Variants in PPP4R4 observed in about 807,000 individuals in gnomAD.
PPP4R4 encodes the protein protein phosphatase 4 regulatory subunit 4, also known as serine/threonine-protein phosphatase 4 regulatory subunit 4.
A neutral mutation model predicts 121.8 loss-of-function variants in PPP4R4; 70 were observed. That is an observed-to-expected ratio of 0.57 (90% CI 0.47 to 0.70). The LOEUF is 0.70. Among genes scored for constraint, PPP4R4 ranks in the 30% least tolerant of loss-of-function variants. The pLI, the probability that PPP4R4 is intolerant of heterozygous loss-of-function variation, is 0.00. For missense variants in PPP4R4, 875 were observed against 1,033.6 expected (o/e 0.85, Z 2.10); for synonymous variants, 348 against 355.7 (o/e 0.98, Z 0.24).
intron 3 of PPP4R4, among the ~76,000 whole-genome samples, chr14:94,228,375 A>G (rs1891835041): frequency 6.6e-6 from 1 of 152,160 alleles, no homozygotes; most frequent in Non-Finnish European, 1.5e-5. Context: ...GCTGGCCTTT[A>G]TCAAAGTGCT....
rs911902658 is a variant in PPP4R4 at position 94,278,743 on chromosome 14, T to TG, written c.*103dup. Reference sequence around the variant, plus strand: ...TGGCTGGGGCTTTGTTTTTAAATTTTGGGTTTTTTTTTTTGTTGTTGTTAA... The same window carrying TG: ...TGGCTGGGGCTTTGTTTTTAAATTTTGGGGTTTTTTTTTTTGTTGTTGTTAA... On this transcript the variant is annotated 3_prime_UTR_variant, in exon 25 of 25. Coordinates refer to ENST00000304338, the MANE Select transcript of PPP4R4 (RefSeq NM_058237.2). The TG allele has an allele frequency of 3.2e-6, 4 of 1,242,452 alleles. No individual in the cohort carries two copies. The highest frequency in any genetic ancestry group is 3.4e-5 in the African/African-American group (2 of 58,628). The allele number at this position is 1,242,452 out of a possible 1,614,324, so 77.0% of individuals were successfully genotyped here.
At position 94,237,651 on chromosome 14, in the gene PPP4R4, A is replaced by C; in HGVS notation, c.818A>C (p.Glu273Ala). Residue 273 changes from glutamate (E) to alanine (A), a missense_variant, in exon 8 of 25, where the codon GAA becomes GCA. Physicochemically the swap from Glu to Ala is moderately radical, Grantham distance 107 (BLOSUM62 -1). Transcript: ENST00000304338. ...AGCAGTGTACGACTTGCAGCTTTTGAAACTTTGGTTAATCTGCTTGATATA... is the reference window on the plus strand; with the variant it reads ...AGCAGTGTACGACTTGCAGCTTTTGCAACTTTGGTTAATCTGCTTGATATA... ...EGSSVRLAAF[E>A]TLVNLLDIFD... 1 of 1,612,292 alleles carries C rather than the reference A, an allele frequency of 6.2e-7. No homozygotes were observed. Among genetic ancestry groups the C allele is most frequent in the African/African-American group, 1.3e-5 (1 of 74,992 alleles).
chr14:94,222,397 T>A (rs1329277944), intron 3 of PPP4R4, among the ~76,000 whole-genome samples: 3 of 151,890 alleles, frequency 2.0e-5, no homozygotes, highest in Non-Finnish European at 4.4e-5. Context: ...TTTTTACCCT[T>A]TTCCTAGATA....
chr14:94,216,834 C>T (rs1017141001), intron 3 of PPP4R4, among the ~76,000 whole-genome samples: 2 of 152,058 alleles, frequency 1.3e-5, no homozygotes, highest in South Asian at 2.1e-4. Flanking sequence ...CAGGACCATG[C>T]AAAGATCACT....
chr14:94,203,375 C>A (rs1312872467), intron 2 of PPP4R4, among the ~76,000 whole-genome samples: 1 of 151,378 alleles, frequency 6.6e-6, no homozygotes, highest in Non-Finnish European at 1.5e-5. Context: ...ATAAATAGTT[C>A]TTTTTTTTTC....
At chr14:94,227,697 T>C in intron 3 of PPP4R4, 1 of 1,025,906 alleles carries the variant, frequency 9.7e-7, no homozygotes, top group Non-Finnish European at 1.2e-6. Flanking sequence ...AACCCAGGAC[T>C]TTAATGACTT....
rs1181199367 is a variant in PPP4R4, at chr14:94,250,160, T to C, written c.1612-12T>C. ...GCCTAGTGTAACTGTCTGTCTTACTTACTTCTTCAAGAATGTTTTACCTGT... is the reference window on the plus strand; with the variant it reads ...GCCTAGTGTAACTGTCTGTCTTACTCACTTCTTCAAGAATGTTTTACCTGT... On this transcript the variant is annotated splice_polypyrimidine_tract_variant and intron_variant, in intron 14 of 24. Coordinates refer to ENST00000304338, the MANE Select transcript of PPP4R4 (RefSeq NM_058237.2). 1 of 1,558,856 alleles carries C rather than the reference T, an allele frequency of 6.4e-7. No individual in the cohort carries two copies. Among genetic ancestry groups the C allele is most frequent in the Admixed American group, 1.7e-5 (1 of 59,908 alleles).
intron 3 of PPP4R4, among the ~76,000 whole-genome samples, chr14:94,223,675 T>C (rs1891537578): frequency 6.6e-6 from 1 of 152,228 alleles, no homozygotes; most frequent in Non-Finnish European, 1.5e-5. Context: ...TAGGCCTGTA[T>C]GCAGATGATT....
chr14:94,185,821 G>C (rs544192140), intron 2 of PPP4R4, among the ~76,000 whole-genome samples: 7 of 152,276 alleles, frequency 4.6e-5, no homozygotes, highest in Non-Finnish European at 1.0e-4. Flanking sequence ...CTTTATTGAA[G>C]TATAATTTAA....
rs532453211 is a variant in PPP4R4 at position 94,180,816 on chromosome 14, CT to C, written c.191+4699del. ...TCATAAAGTGCATCTTTATTTGGAA[CT>C]TTTTTTTTTAACTTTCTCTTCCTAT... On this transcript the variant is annotated intron_variant, in intron 2 of 24. Transcript: ENST00000304338. 3.6e-3 allele frequency among the ~76,000 whole-genome samples: 528 copies of C among 148,384 alleles called. 4 individuals are homozygous for C. Among genetic ancestry groups the C allele is most frequent in the South Asian group, 0.028 (129 of 4,668 alleles).
intron 10 of PPP4R4, 136 bp from the exon 11 acceptor site, chr14:94,242,153 T>A: frequency 3.3e-6 from 4 of 1,221,262 alleles, no homozygotes; most frequent in African/African-American, 1.5e-5. Context: ...CATATTTGGA[T>A]CTTCCAAATA....
At chr14:94,198,281 G>A (rs1243129) in intron 2 of PPP4R4, among the ~76,000 whole-genome samples, 116,232 of 152,054 alleles carry the variant, frequency 0.76, 45,266 homozygotes, top group Admixed American at 0.84. Flanking sequence ...TTTACCTAAC[G>A]ATTAAAATTT....
intron 1 of PPP4R4, among the ~76,000 whole-genome samples, chr14:94,175,267 T>C (rs530642557): frequency 6.6e-6 from 1 of 152,094 alleles, no homozygotes; most frequent in Non-Finnish European, 1.5e-5. Context: ...TCCTGGTCCC[T>C]GTCTACAAGC....
At chr14:94,275,967 A>G (rs1894617307) in intron 24 of PPP4R4, among the ~76,000 whole-genome samples, 1 of 152,212 alleles carries the variant, frequency 6.6e-6, no homozygotes, top group Non-Finnish European at 1.5e-5. Context: ...AGAGATTTAC[A>G]GACTGTACTT....
chr14:94,265,450 C>T lies in PPP4R4; in HGVS notation c.2261C>T (p.Pro754Leu). ...AACATCCCCATTTCTGTTCCTGGAC[C>T]CTCTTCTGTCACCCCATCGACAAGT... Reference protein sequence around the residue: ...PKNIPISVPGPSSVTPSTSKE... With the variant: ...PKNIPISVPGLSSVTPSTSKE... Residue 754 changes from proline to leucine, a missense_variant, in exon 21 of 25, where the codon CCC becomes CTC. Pro to Leu is a moderately conservative substitution (Grantham distance 98). Transcript: ENST00000304338. 2 of 1,611,914 alleles carry T rather than the reference C, an allele frequency of 1.2e-6. No homozygotes were observed. The highest frequency in any genetic ancestry group is 1.1e-5 in the South Asian group (1 of 91,018).
At chr14:94,239,821 G>T (rs192447802) in intron 8 of PPP4R4, among the ~76,000 whole-genome samples, 3 of 152,144 alleles carry the variant, frequency 2.0e-5, no homozygotes, top group Non-Finnish European at 1.5e-5. Context: ...CTTTTTTGCT[G>T]GTTTACATTT....
intron 3 of PPP4R4, among the ~76,000 whole-genome samples, chr14:94,219,178 C>T (rs1891250249): frequency 6.9e-6 from 1 of 145,400 alleles, no homozygotes; most frequent in Non-Finnish European, 1.5e-5. Flanking sequence ...CTCCCGGGTT[C>T]AAGCGATTCT....
chr14:94,239,270 A>G (rs1002035069), intron 8 of PPP4R4, among the ~76,000 whole-genome samples: 15 of 150,578 alleles, frequency 1.0e-4, no homozygotes, highest in Non-Finnish European at 1.9e-4. Flanking sequence ...ACATATGTAT[A>G]CATGTGCCAT....
At chr14:94,206,424 G>A (rs1386537853) in intron 2 of PPP4R4, among the ~76,000 whole-genome samples, 1 of 151,724 alleles carries the variant, frequency 6.6e-6, no homozygotes, top group Non-Finnish European at 1.5e-5. Context: ...GCCAATTCCG[G>A]TCTTAAATTG....
Sources: allele counts gnomAD v4.1 joint callset (sites outside exome capture counted in the v4.1 genomes callset), GRCh38; gene constraint gnomAD v4.1.1; transcripts MANE v1.5; gene names NCBI Gene and HGNC (gene_info 2026-07-23, HGNC 2026-07-21).